RALGAPA1: variants seen among roughly 807,000 people sequenced by gnomAD.
RALGAPA1 encodes Ral GTPase activating protein catalytic subunit alpha 1.
In RALGAPA1, 52 loss-of-function variants were observed where a neutral mutation model predicts 269.6. That is an observed-to-expected ratio of 0.19 (90% CI 0.15 to 0.24). The LOEUF (loss-of-function observed/expected upper bound fraction) is 0.24, where lower values mean the gene tolerates loss of function less well. Ranked by LOEUF, RALGAPA1 falls within the 10% of genes least tolerant of loss-of-function variation. The probability of loss-of-function intolerance (pLI) is 1.00; values close to 1 mark genes in which losing one functional copy is unlikely to be tolerated. For missense variants in RALGAPA1, 1,917 were observed against 3,013.9 expected (o/e 0.64, Z 8.52); for synonymous variants, 817 against 1,008.3 (o/e 0.81, Z 3.60).
chr14:35,587,934 G>A (rs1261582467), intron 37 of RALGAPA1, among the ~76,000 whole-genome samples: 1 of 152,030 alleles, frequency 6.6e-6, no homozygotes, highest in African/African-American at 2.4e-5. Context: ...TTGAGACAGA[G>A]TCTCACTCTA....
At chr14:35,750,457 C>T (rs1252473965) in intron 9 of RALGAPA1, 25 bp downstream of exon 9, 7 of 1,594,942 alleles carry the variant, frequency 4.4e-6, no homozygotes, top group Non-Finnish European at 6.0e-6. Context: ...CTAACTTTAA[C>T]AGGCCTGCCT....
chr14:35,654,223 T>G (rs754213693), intron 30 of RALGAPA1, 144 bp downstream of exon 30: 34 of 819,114 alleles, frequency 4.2e-5, no homozygotes, highest in Non-Finnish European at 6.0e-5. Context: ...ATCATGAACT[T>G]TGATACCACA....
rs924402708 is a variant in RALGAPA1, at chr14:35,550,694, T to C, written c.7497-1460A>G. On this transcript the variant is annotated intron_variant, in intron 39 of 41. Coordinates refer to ENST00000680220, the MANE Select transcript of RALGAPA1 (RefSeq NM_001346249.2). The stretch of plus-strand genomic sequence containing the variant: ...GGTAACTTTTGCTAAGTGGCTTTCA[T>C]ATTACAATTTATCTGCTTCTATTAC... Among the ~76,000 whole-genome samples, 37 of 152,184 alleles carry C rather than the reference T, an allele frequency of 2.4e-4. 1 individual carries two copies. The highest frequency in any genetic ancestry group is 2.3e-3 in the Admixed American group (35 of 15,268).
chr14:35,663,621 G>A (rs190803445), intron 27 of RALGAPA1, among the ~76,000 whole-genome samples: 1,493 of 139,266 alleles, frequency 0.011, 27 homozygotes, highest in African/African-American at 0.039. Context: ...ACGGAGTCTC[G>A]CTCTGTTACC....
intron 31 of RALGAPA1, among the ~76,000 whole-genome samples, chr14:35,642,959 T>C (rs1158237725): frequency 2.0e-4 from 31 of 152,194 alleles, no homozygotes; most frequent in Admixed American, 2.0e-3. Flanking sequence ...ATAGACTAGA[T>C]TAAGAAAATG....
intron 35 of RALGAPA1, among the ~76,000 whole-genome samples, chr14:35,613,588 T>C (rs2060082533): frequency 1.3e-5 from 2 of 152,222 alleles, no homozygotes; most frequent in Admixed American, 1.3e-4. Context: ...TCTTCTAAGA[T>C]TCTAGCTGTT....
intron 39 of RALGAPA1, among the ~76,000 whole-genome samples, chr14:35,564,146 T>C (rs2056506670): frequency 6.6e-6 from 1 of 152,132 alleles, no homozygotes; most frequent in Admixed American, 6.5e-5. Flanking sequence ...GACAGATAGG[T>C]TACCTAGTGC....
chr14:35,623,483 T>A (rs1348810660), intron 35 of RALGAPA1, among the ~76,000 whole-genome samples: 1 of 151,912 alleles, frequency 6.6e-6, no homozygotes, highest in Non-Finnish European at 1.5e-5. Context: ...TGGAAAATAT[T>A]AACATCACTA....
At chr14:35,734,827 C>G (rs141377247) in intron 12 of RALGAPA1, among the ~76,000 whole-genome samples, 124 of 152,088 alleles carry the variant, frequency 8.2e-4, no homozygotes, top group Non-Finnish European at 5.6e-4. Context: ...TATCCAGAAT[C>G]TACAATGAAT....
At chr14:35,542,367 GC>G (rs1408957844) in intron 41 of RALGAPA1, 1 of 167,728 alleles carries the variant, frequency 6.0e-6, no homozygotes, top group Non-Finnish European at 1.3e-5. Flanking sequence ...TTATCAGAGA[GC>G]ATTGCTCTAC....
intron 26 of RALGAPA1, 125 bp downstream of exon 26, chr14:35,671,261 TAGG>T (rs2064402835): frequency 7.4e-6 from 5 of 677,146 alleles, no homozygotes; most frequent in Non-Finnish European, 1.2e-5. Context: ...TTTTTTAATG[TAGG>T]AGAAGCAATC....
Position 35,728,349 on chromosome 14 carries a change from A to C in RALGAPA1, c.1736+13T>G. On this transcript the variant is annotated intron_variant, in intron 13 of 41. Coordinates refer to ENST00000680220, the MANE Select transcript of RALGAPA1 (RefSeq NM_001346249.2). ...TAAAAACACATAGACATAAAGGATA[A>C]AAATTTTTTTACCAAGTCTTTTTGT... The C allele has an allele frequency of 6.5e-7, 1 of 1,546,228 alleles. No individual in the cohort carries two copies. Among genetic ancestry groups the C allele is most frequent in the Non-Finnish European group, 8.7e-7 (1 of 1,150,928 alleles).
At chr14:35,566,254 C>T (rs545337714) in intron 39 of RALGAPA1, among the ~76,000 whole-genome samples, 2 of 152,238 alleles carry the variant, frequency 1.3e-5, no homozygotes, top group East Asian at 1.9e-4. Context: ...GTCATCAATA[C>T]GGACAGATTA....
At chr14:35,805,764 A>T (rs1221765959) in intron 1 of RALGAPA1, among the ~76,000 whole-genome samples, 1 of 150,068 alleles carries the variant, frequency 6.7e-6, no homozygotes, top group Non-Finnish European at 1.5e-5. Flanking sequence ...GACTCACCAC[A>T]ACCTCTGCCT....
intron 39 of RALGAPA1, among the ~76,000 whole-genome samples, chr14:35,558,951 C>T (rs770413721): frequency 1.6e-4 from 25 of 152,164 alleles, no homozygotes; most frequent in African/African-American, 5.6e-4. Context: ...CATATGCCAA[C>T]CCTGATGGCC....
intron 16 of RALGAPA1, among the ~76,000 whole-genome samples, chr14:35,718,115 C>A (rs2069012828): frequency 6.6e-6 from 1 of 152,192 alleles, no homozygotes; most frequent in Non-Finnish European, 1.5e-5. Flanking sequence ...CTAACACTTT[C>A]TATTCCTTTA....
At chr14:35,744,062 T>C (rs2071814784) in intron 10 of RALGAPA1, among the ~76,000 whole-genome samples, 1 of 152,316 alleles carries the variant, frequency 6.6e-6, no homozygotes, top group African/African-American at 2.4e-5. Flanking sequence ...TTTACTTTAC[T>C]TTTTAGGTGC....
chr14:35,731,696 A>G (rs2070490799), intron 12 of RALGAPA1, among the ~76,000 whole-genome samples: 1 of 152,196 alleles, frequency 6.6e-6, no homozygotes, highest in African/African-American at 2.4e-5. Flanking sequence ...AAGAAAAAAG[A>G]ATAAGAAAAT....
intron 35 of RALGAPA1, among the ~76,000 whole-genome samples, chr14:35,612,198 C>T (rs1355855552): frequency 1.3e-5 from 2 of 151,684 alleles, no homozygotes; most frequent in African/African-American, 4.8e-5. Flanking sequence ...ATAGTGAGAC[C>T]TCATCTCTAC....
Sources: allele counts gnomAD v4.1 joint callset (sites outside exome capture counted in the v4.1 genomes callset), GRCh38; gene constraint gnomAD v4.1.1; transcripts MANE v1.5; gene names NCBI Gene and HGNC (gene_info 2026-07-23, HGNC 2026-07-21).